EEIG2: variants seen among roughly 807,000 people sequenced by gnomAD.
EEIG2 encodes the protein EEIG family member 2.
chr1:108,596,990 G>A, the EEIG2 span, among the ~76,000 whole-genome samples: 1 of 152,130 alleles, frequency 6.6e-6, no homozygotes, highest in Admixed American at 6.5e-5. Context: ...GCCTCTCAAA[G>A]TGCTGGGAAT....
the EEIG2 span, chr1:108,624,698 A>C: frequency 6.2e-7 from 1 of 1,614,134 alleles, no homozygotes; most frequent in Non-Finnish European, 8.5e-7. Flanking sequence ...GAATCTTTGC[A>C]AGAAGATAGA....
the EEIG2 span, chr1:108,606,227 TA>T: frequency 3.2e-6 from 5 of 1,563,082 alleles, no homozygotes; most frequent in Middle Eastern, 1.7e-4. Context: ...TGGCAGGAAT[TA>T]AAAGGTGGAA....
At chr1:108,565,722 C>T in the EEIG2 span, among the ~76,000 whole-genome samples, 55 of 152,168 alleles carry the variant, frequency 3.6e-4, 1 homozygote, top group Non-Finnish European at 6.5e-4. Flanking sequence ...ATGAGCACAT[C>T]TATGTATTGG....
At chr1:108,636,466 A>G in the EEIG2 span, 1 of 152,236 alleles carries the variant, frequency 6.6e-6, no homozygotes, top group Non-Finnish European at 1.5e-5. Context: ...CACGTTGGCA[A>G]AAATAAGGAG....
the EEIG2 span, among the ~76,000 whole-genome samples, chr1:108,588,248 T>C: frequency 2.0e-5 from 3 of 152,316 alleles, no homozygotes; most frequent in East Asian, 5.8e-4. Flanking sequence ...TGCTGGGTTA[T>C]ATCATGGTGC....
At chr1:108,562,118 T>C in the EEIG2 span, among the ~76,000 whole-genome samples, 1 of 152,190 alleles carries the variant, frequency 6.6e-6, no homozygotes, top group Non-Finnish European at 1.5e-5. Flanking sequence ...GGGGTTCCAT[T>C]TCGTAGATAA....
chr1:108,600,428 C>A, the EEIG2 span: 1 of 918,946 alleles, frequency 1.1e-6, no homozygotes. Flanking sequence ...AATTTGCTTC[C>A]TTCCTGCTAC....
the EEIG2 span, among the ~76,000 whole-genome samples, chr1:108,561,469 GTCT>G: frequency 6.6e-6 from 1 of 152,040 alleles, no homozygotes; most frequent in Non-Finnish European, 1.5e-5. Flanking sequence ...ATATATACTG[GTCT>G]TAGGCTTTAT....
At chr1:108,575,203 C>T in the EEIG2 span, among the ~76,000 whole-genome samples, 4 of 152,152 alleles carry the variant, frequency 2.6e-5, no homozygotes, top group South Asian at 2.1e-4. Flanking sequence ...TGGTTTTTCA[C>T]GATAAGCACA....
chr1:108,590,527 G>C, the EEIG2 span, among the ~76,000 whole-genome samples: 1 of 152,110 alleles, frequency 6.6e-6, no homozygotes, highest in Non-Finnish European at 1.5e-5. Context: ...TAATTCATTT[G>C]GTTTCCCCAA....
chr1:108,629,575 ATG>A, the EEIG2 span: 1 of 1,583,416 alleles, frequency 6.3e-7, no homozygotes, highest in African/African-American at 1.3e-5. Context: ...AACATTTTAA[ATG>A]TGTATTGCAG....
At chr1:108,609,822 A>G in the EEIG2 span, among the ~76,000 whole-genome samples, 3 of 152,018 alleles carry the variant, frequency 2.0e-5, no homozygotes, top group South Asian at 2.1e-4. Context: ...CAAACGCTGC[A>G]TGTTCTCACT....
chr1:108,560,527 G>A, the EEIG2 span: 1 of 1,612,214 alleles, frequency 6.2e-7, no homozygotes, highest in Non-Finnish European at 8.5e-7. Context: ...GCAAGATGCG[G>A]CTGCTGGACG....
the EEIG2 span, among the ~76,000 whole-genome samples, chr1:108,615,771 C>G: frequency 6.7e-6 from 1 of 149,844 alleles, no homozygotes; most frequent in African/African-American, 2.5e-5. Context: ...CAAAGCAAGA[C>G]CTTATCTCAA....
the EEIG2 span, chr1:108,560,122 A>AGGCGGCGGAGGCGGCGGCGGC: frequency 1.2e-5 from 2 of 173,448 alleles, no homozygotes; most frequent in Non-Finnish European, 2.3e-5. Flanking sequence ...GCGGCGGCGG[A>AGGCGGCGGAGGCGGCGGCGGC]GGCGGCGGCG....
the EEIG2 span, chr1:108,627,259 T>C: frequency 2.6e-5 from 4 of 152,362 alleles, no homozygotes; most frequent in Admixed American, 1.3e-4. Flanking sequence ...TGTCCAGAAA[T>C]GAGAAACCTT....
At chr1:108,605,962 T>C in the EEIG2 span, among the ~76,000 whole-genome samples, 1 of 152,202 alleles carries the variant, frequency 6.6e-6, no homozygotes. Flanking sequence ...TTTTTGACCA[T>C]TTCTTCTTCA....
At chr1:108,612,352 G>A in the EEIG2 span, 102,093 of 1,133,182 alleles carry the variant, frequency 0.09, 6,871 homozygotes, top group African/African-American at 0.28. Context: ...TTAAATAAGC[G>A]TATGTATATA....
At chr1:108,624,241 C>T in the EEIG2 span, among the ~76,000 whole-genome samples, 6 of 152,066 alleles carry the variant, frequency 3.9e-5, no homozygotes, top group Admixed American at 3.3e-4. Flanking sequence ...AGCACAGTCT[C>T]TGAAGCAGGA....
Sources: gnomAD v4.1 joint callset for allele counts (sites outside exome capture counted in the v4.1 genomes callset) on GRCh38, gnomAD v4.1.1 for gene constraint, MANE v1.5 for transcripts, NCBI Gene and HGNC (gene_info 2026-07-23, HGNC 2026-07-21) for gene names.